RABL6: variants seen among roughly 807,000 people sequenced by gnomAD.
The protein encoded by RABL6 is RAB, member RAS oncogene family like 6, also known as rab-like protein 6.
RABL6 carries 28 observed loss-of-function variants against 72.9 expected under a neutral mutation model. That is an observed-to-expected ratio of 0.38 (90% CI 0.28 to 0.53). The LOEUF is 0.53. Ranked by LOEUF, RABL6 falls within the 20% of genes least tolerant of loss-of-function variation. RABL6 has a pLI of 0.80. For synonymous variants in RABL6, 477 were observed against 421.2 expected, an observed-to-expected ratio of 1.13 and a Z score of -1.62; for missense variants, 1,029 against 1,008.4, an observed-to-expected ratio of 1.02 and a Z score of -0.28.
chr9:136,811,930 AGATG>A (rs1027235057), intron 1 of RABL6, among the ~76,000 whole-genome samples: 10 of 152,248 alleles, frequency 6.6e-5, no homozygotes, highest in Admixed American at 5.2e-4. Context: ...CCAGTCTTTC[AGATG>A]AAATTTGGAT....
chr9:136,817,648 G>A (rs1383645688), intron 1 of RABL6, among the ~76,000 whole-genome samples: 3 of 149,412 alleles, frequency 2.0e-5, no homozygotes, highest in African/African-American at 7.4e-5. Context: ...TGAGAGCCGT[G>A]TGACTGGCTC....
chr9:136,838,472 C>A (rs772907498), intron 10 of RABL6, among the ~76,000 whole-genome samples: 1 of 152,220 alleles, frequency 6.6e-6, no homozygotes, highest in Non-Finnish European at 1.5e-5. Context: ...CCAAGCTGCC[C>A]CAAATTTTGC....
At chr9:136,840,016 C>T in intron 13 of RABL6, 138 bp from the exon 14 acceptor site, 2 of 1,471,620 alleles carry the variant, frequency 1.4e-6, no homozygotes, top group Non-Finnish European at 1.9e-6. Context: ...CTGATGTTTG[C>T]AGTGTGGTCC....
intron 5 of RABL6, among the ~76,000 whole-genome samples, chr9:136,829,784 C>T (rs983779622): frequency 2.6e-5 from 4 of 152,280 alleles, no homozygotes; most frequent in South Asian, 2.1e-4. Flanking sequence ...TGAGACTTGG[C>T]GGAAGCAAGT....
At chr9:136,819,324 G>GAAAAAAAAAAAAAAA (rs57726746) in intron 1 of RABL6, among the ~76,000 whole-genome samples, 1 of 58,934 alleles carries the variant, frequency 1.7e-5, no homozygotes. Context: ...TCCGTCTCAA[G>GAAAAAAAAAAAAAAA]AAAAAAAAAA....
At chr9:136,808,810 A>G (rs1393332558) in intron 1 of RABL6, 2 of 150,384 alleles carry the variant, frequency 1.3e-5, no homozygotes, top group South Asian at 2.1e-4. Flanking sequence ...GTTTGAAGAC[A>G]GAATATTAGC....
intron 5 of RABL6, among the ~76,000 whole-genome samples, chr9:136,830,805 A>G (rs1006442690): frequency 6.6e-6 from 1 of 152,246 alleles, no homozygotes; most frequent in Non-Finnish European, 1.5e-5. Context: ...GTGGGCCCGG[A>G]GACCCTGTTG....
At chr9:136,812,997 C>A (rs1848045653) in intron 1 of RABL6, 1 of 362,124 alleles carries the variant, frequency 2.8e-6, no homozygotes, top group South Asian at 2.5e-5. Context: ...CCGCGGCCTC[C>A]TTGGCGCTTT....
chr9:136,827,031 G>C (rs1187721675), intron 3 of RABL6: 2 of 152,628 alleles, frequency 1.3e-5, no homozygotes, highest in Non-Finnish European at 2.9e-5. Context: ...CCCGGGGCTG[G>C]TGTGGAGGCC....
Position 136,840,767 on chromosome 9 carries a change from C to T in RABL6, c.*245C>T, listed in dbSNP as rs755096236. On this transcript the variant is annotated 3_prime_UTR_variant, in exon 15 of 15. Transcript: ENST00000311502. The stretch of plus-strand genomic sequence containing the variant: ...TGGCTTCAGCCAGGCTCGGTGGACA[C>T]CCTGGCCCTCTCGGGGCAGAGCCGC... The T allele has an allele frequency of 6.8e-5, 106 of 1,548,064 alleles. No homozygotes were observed. The highest frequency in any genetic ancestry group is 9.1e-5 in the Non-Finnish European group (104 of 1,146,834).
chr9:136,815,736 C>T (rs1848106727), intron 1 of RABL6, among the ~76,000 whole-genome samples: 2 of 152,184 alleles, frequency 1.3e-5, no homozygotes, highest in Admixed American at 6.6e-5. Flanking sequence ...AAATCATAAG[C>T]TCTTCTTGGT....
chr9:136,819,422 A>G (rs1274784810), intron 1 of RABL6, among the ~76,000 whole-genome samples: 1 of 152,196 alleles, frequency 6.6e-6, no homozygotes, highest in Non-Finnish European at 1.5e-5. Flanking sequence ...GTAACTAAAA[A>G]TCATAAAATA....
intron 4 of RABL6, 121 bp downstream of exon 4, chr9:136,828,667 C>A: frequency 9.7e-7 from 1 of 1,035,248 alleles, no homozygotes; most frequent in Non-Finnish European, 1.4e-6. Flanking sequence ...CCACGGGGGC[C>A]GCTGGCCTTC....
chr9:136,812,995 T>G (rs1848045599), intron 1 of RABL6: 2 of 356,778 alleles, frequency 5.6e-6, no homozygotes, highest in South Asian at 2.6e-5. Context: ...TTCCGCGGCC[T>G]CCTTGGCGCT....
intron 4 of RABL6, among the ~76,000 whole-genome samples, chr9:136,828,766 C>T (rs1340632767): frequency 1.3e-5 from 2 of 152,120 alleles, no homozygotes; most frequent in African/African-American, 4.8e-5. Context: ...TTGGACTGAC[C>T]CCTATTTGCA....
At chr9:136,828,246 G>T (rs1416091292) in intron 3 of RABL6, 2 of 505,868 alleles carry the variant, frequency 4.0e-6, no homozygotes, top group Admixed American at 3.3e-5. Flanking sequence ...GAGCTGCTGA[G>T]CCTGTCAGCC....
chr9:136,809,525 C>T (rs566956736), intron 1 of RABL6: 64 of 207,162 alleles, frequency 3.1e-4, no homozygotes, highest in Non-Finnish European at 5.9e-4. Context: ...GCCTGTAATC[C>T]CAGCACTTTG....
intron 8 of RABL6, chr9:136,836,496 C>T (rs1848586686): frequency 6.5e-6 from 1 of 152,760 alleles, no homozygotes; most frequent in Non-Finnish European, 1.5e-5. Flanking sequence ...CACCTTGGAT[C>T]TGGCTGTTGG....
chr9:136,816,733 G>A (rs917982504), intron 1 of RABL6, among the ~76,000 whole-genome samples: 1 of 139,772 alleles, frequency 7.2e-6, no homozygotes, highest in African/African-American at 2.6e-5. Flanking sequence ...AAGGGGGGGG[G>A]GGTAATTTTT....
Sources: gnomAD v4.1 joint callset for allele counts (sites outside exome capture counted in the v4.1 genomes callset) on GRCh38, gnomAD v4.1.1 for gene constraint, MANE v1.5 for transcripts, NCBI Gene and HGNC (gene_info 2026-07-23, HGNC 2026-07-21) for gene names.